KIF11: variants seen among roughly 807,000 people sequenced by gnomAD.
KIF11 encodes kinesin-like protein KIF11.
Under a neutral mutation model 121.0 loss-of-function variants are expected in KIF11, and 9 were observed. That is an observed-to-expected ratio of 0.07 (90% CI 0.04 to 0.13). KIF11 has a LOEUF of 0.13. Ranked by LOEUF, KIF11 falls within the 10% of genes least tolerant of loss-of-function variation. KIF11 has a pLI of 1.00. For synonymous variants in KIF11, 408 were observed against 421.0 expected (o/e 0.97, Z 0.38); for missense variants, 846 against 1,217.5 (o/e 0.69, Z 4.54).
At position 92,650,417 on chromosome 10, in the gene KIF11, A is replaced by G; in HGVS notation, c.2939A>G (p.Glu980Gly). 6.2e-7 allele frequency: 1 copy of G among 1,607,740 alleles called. No individual in the cohort carries two copies. The highest frequency in any genetic ancestry group is 8.5e-7 in the Non-Finnish European group (1 of 1,174,138). Residue 980 changes from glutamate to glycine, a missense_variant, in exon 21 of 22, where the codon GAG becomes GGG. Physicochemically the swap from Glu to Gly is moderately conservative, Grantham distance 98. Transcript: ENST00000260731. ...EETIPDVDVE[E>G]AVLGQYTEEP... ...TTCTTTTAGGATGTGGATGTAGAAG[A>G]GGCAGTTCTGGGGCAGTATACTGAA...
rs187681251 is a variant in KIF11, at chr10:92,598,238, A to G, written c.77+4786A>G. Among the ~76,000 whole-genome samples the G allele has an allele frequency of 4.6e-5, 7 of 152,304 alleles. No individual in the cohort carries two copies. In the East Asian group the frequency reaches 1.4e-3, roughly 29 times the overall value. On this transcript the variant is annotated intron_variant, in intron 1 of 21. Transcript: ENST00000260731. ...AGAGTTTTATAGCTTTAGGTCTTACATACATTTTTGATCCATTTTGAGTTA... is the reference window on the plus strand; with the variant it reads ...AGAGTTTTATAGCTTTAGGTCTTACGTACATTTTTGATCCATTTTGAGTTA...
chr10:92,603,775 A>C (rs1225481041), intron 1 of KIF11, among the ~76,000 whole-genome samples: 1 of 152,212 alleles, frequency 6.6e-6, no homozygotes, highest in Admixed American at 6.5e-5. Flanking sequence ...GGCGTGAGCC[A>C]CTGTGCCTGG....
intron 9 of KIF11, among the ~76,000 whole-genome samples, chr10:92,619,087 G>T (rs1443345990): frequency 6.6e-6 from 1 of 152,098 alleles, no homozygotes; most frequent in Non-Finnish European, 1.5e-5. Context: ...TGCGATCTCA[G>T]CTCACAGCAA....
chr10:92,630,882 A>AG (rs200597305), intron 12 of KIF11, among the ~76,000 whole-genome samples: 9 of 150,804 alleles, frequency 6.0e-5, no homozygotes, highest in Non-Finnish European at 1.2e-4. Flanking sequence ...AAAAAAAAAA[A>AG]AAAGAAAATA....
At chr10:92,612,764 C>T (rs868206388) in intron 6 of KIF11, among the ~76,000 whole-genome samples, 6 of 152,196 alleles carry the variant, frequency 3.9e-5, no homozygotes, top group Non-Finnish European at 7.3e-5. Flanking sequence ...GTTTCGACCC[C>T]ACCCACATCC....
chr10:92,594,060 C>T (rs892538581), intron 1 of KIF11, among the ~76,000 whole-genome samples: 1 of 152,070 alleles, frequency 6.6e-6, no homozygotes, highest in South Asian at 2.1e-4. Context: ...GAGGGGTGTT[C>T]GGCCCTCCCC....
intron 17 of KIF11, among the ~76,000 whole-genome samples, chr10:92,642,196 A>T (rs2135921797): frequency 6.6e-6 from 1 of 152,056 alleles, no homozygotes; most frequent in South Asian, 2.1e-4. Context: ...GATATATGAT[A>T]AGTGATTTCC....
intron 1 of KIF11, among the ~76,000 whole-genome samples, chr10:92,603,267 T>TTTC (rs1554859100): frequency 2.1e-5 from 3 of 141,860 alleles, no homozygotes; most frequent in South Asian, 2.3e-4. Flanking sequence ...TCTTTTCTTT[T>TTTC]TTTTTTTTTT....
At chr10:92,611,306 G>A (rs1338674815) in intron 6 of KIF11, among the ~76,000 whole-genome samples, 6 of 151,798 alleles carry the variant, frequency 4.0e-5, no homozygotes, top group African/African-American at 9.7e-5. Context: ...TCTGCCTCCC[G>A]GGTTCACGCC....
intron 19 of KIF11, 111 bp from the exon 20 acceptor site, chr10:92,649,724 T>C: frequency 2.9e-6 from 2 of 687,892 alleles, no homozygotes; most frequent in South Asian, 5.0e-5. Context: ...TATATGGCAA[T>C]TATATTTTTA....
chr10:92,626,146 G>T (rs375200807), intron 10 of KIF11, among the ~76,000 whole-genome samples: 1 of 152,136 alleles, frequency 6.6e-6, no homozygotes, highest in Non-Finnish European at 1.5e-5. Context: ...AAAGCTGGAG[G>T]CATCGCATTA....
At chr10:92,626,956 G>A (rs55696768) in intron 10 of KIF11, among the ~76,000 whole-genome samples, 3,263 of 152,140 alleles carry the variant, frequency 0.021, 60 homozygotes, top group Non-Finnish European at 0.031. Flanking sequence ...TAGAGACAGG[G>A]TTTCACCATG....
At chr10:92,651,514 T>TTC (rs1564719289) in intron 21 of KIF11, among the ~76,000 whole-genome samples, 7 of 44,346 alleles carry the variant, frequency 1.6e-4, no homozygotes, top group Non-Finnish European at 2.4e-4. Flanking sequence ...TTTGTTTTTT[T>TTC]TTTTTTTTTT....
intron 17 of KIF11, among the ~76,000 whole-genome samples, chr10:92,640,234 CTG>C (rs1182081962): frequency 6.6e-6 from 1 of 152,266 alleles, no homozygotes; most frequent in East Asian, 1.9e-4. Flanking sequence ...GTTTGGCAAA[CTG>C]TGGCTAGCAG....
In KIF11 at chr10:92,654,506, A is replaced by T. The variant is rs7078243; in HGVS notation, c.*710A>T. ...TGCTATGACTTGTGTATTTTCTTGCATCCTCCCTAGACTTCCCTATTTCGC... is the reference window on the plus strand; with the variant it reads ...TGCTATGACTTGTGTATTTTCTTGCTTCCTCCCTAGACTTCCCTATTTCGC... On this transcript the variant is annotated 3_prime_UTR_variant, in exon 22 of 22. Coordinates refer to ENST00000260731, the MANE Select transcript of KIF11 (RefSeq NM_004523.4). 3 of 151,860 alleles carry T rather than the reference A, an allele frequency of 2.0e-5. No individual in the cohort carries two copies. The highest frequency in any genetic ancestry group is 2.9e-5 in the Non-Finnish European group (2 of 67,952). The allele number at this position is 151,860 out of a possible 1,614,324, so 9.4% of individuals were successfully genotyped here. A position where few individuals can be genotyped will look rare whatever the true frequency, so the allele number is the denominator to read the frequency against.
intron 4 of KIF11, 136 bp from the exon 5 acceptor site, chr10:92,608,884 G>A: frequency 1.9e-6 from 1 of 531,352 alleles, no homozygotes. Flanking sequence ...CATTAGGTTA[G>A]TTGTTTCTTT....
At chr10:92,620,195 C>G (rs1445233963) in intron 9 of KIF11, among the ~76,000 whole-genome samples, 1 of 151,738 alleles carries the variant, frequency 6.6e-6, no homozygotes, top group East Asian at 1.9e-4. Flanking sequence ...ATTCTCCTGC[C>G]TTAGCCTCCT....
intron 15 of KIF11, 33 bp downstream of exon 15, chr10:92,637,342 T>C: frequency 1.3e-6 from 2 of 1,580,886 alleles, no homozygotes; most frequent in South Asian, 2.4e-5. Context: ...TATCTCAAAA[T>C]TGATGTGTTG....
chr10:92,602,854 G>GTGTGTA (rs1272711455), intron 1 of KIF11, among the ~76,000 whole-genome samples: 1 of 145,334 alleles, frequency 6.9e-6, no homozygotes, highest in East Asian at 2.0e-4. Context: ...GTGTGTGTGT[G>GTGTGTA]TGGTTTTTTG....
Sources: allele counts gnomAD v4.1 joint callset (sites outside exome capture counted in the v4.1 genomes callset), GRCh38; gene constraint gnomAD v4.1.1; transcripts MANE v1.5; gene names NCBI Gene and HGNC (gene_info 2026-07-23, HGNC 2026-07-21).